Variants in PDGFD observed in about 807,000 individuals in gnomAD.
The protein encoded by PDGFD is platelet derived growth factor D, also known as platelet-derived growth factor D.
Under a neutral mutation model 44.7 loss-of-function variants are expected in PDGFD, and 30 were observed. That is an observed-to-expected ratio of 0.67 (90% CI 0.50 to 0.91). The LOEUF is 0.91. Ranked by LOEUF, PDGFD falls within the 40% of genes least tolerant of loss-of-function variation. The pLI is 0.00. For synonymous variants in PDGFD, 173 were observed against 168.4 expected, an observed-to-expected ratio of 1.03 and a Z score of -0.21; for missense variants, 445 against 457.8, an observed-to-expected ratio of 0.97 and a Z score of 0.25.
intron 1 of PDGFD, among the ~76,000 whole-genome samples, chr11:104,100,211 C>T (rs534869875): frequency 6.6e-6 from 1 of 152,094 alleles, no homozygotes; most frequent in East Asian, 1.9e-4. Flanking sequence ...AGCCTACACA[C>T]CTCTGGTCAT....
chr11:103,964,989 G>A (rs1285518760), intron 3 of PDGFD, among the ~76,000 whole-genome samples: 2 of 151,270 alleles, frequency 1.3e-5, no homozygotes, highest in Non-Finnish European at 2.9e-5. Flanking sequence ...TCACATACTA[G>A]ATGTATTTGA....
In PDGFD at chr11:103,908,252, G is replaced by A. The variant is rs547990327; in HGVS notation, c.*1442C>T. On this transcript the variant is annotated 3_prime_UTR_variant, in exon 7 of 7. Transcript: ENST00000393158. ...TAAGCCTCTTGCTTTGGAGGATGAT[G>A]AATCATTTCCTACTCCTGGAGTTAG... The A allele has an allele frequency of 6.6e-6, 1 of 152,294 alleles. No homozygotes were observed. Among genetic ancestry groups the A allele is most frequent in the African/African-American group, 2.4e-5 (1 of 41,556 alleles). The allele number at this position is 152,294 out of a possible 1,614,324, so 9.4% of individuals were successfully genotyped here. A position where few individuals can be genotyped will look rare whatever the true frequency, so the allele number is the denominator to read the frequency against.
chr11:104,064,186 G>A (rs1037603125), intron 1 of PDGFD, among the ~76,000 whole-genome samples: 1 of 152,198 alleles, frequency 6.6e-6, no homozygotes, highest in South Asian at 2.1e-4. Context: ...TTTACAATGT[G>A]TTCTTTCTCA....
At chr11:104,155,773 C>T (rs776843379) in intron 1 of PDGFD, among the ~76,000 whole-genome samples, 1 of 152,146 alleles carries the variant, frequency 6.6e-6, no homozygotes, top group Non-Finnish European at 1.5e-5. Flanking sequence ...TTTGTAAAAG[C>T]AGGTGGTTGC....
At chr11:104,081,283 AC>A (rs769404380) in intron 1 of PDGFD, among the ~76,000 whole-genome samples, 2 of 152,170 alleles carry the variant, frequency 1.3e-5, no homozygotes, top group Non-Finnish European at 2.9e-5. Flanking sequence ...TCAAGGCAAT[AC>A]CTGAAAAGAT....
Position 104,076,208 on chromosome 11 carries a change from C to T in PDGFD, c.125-75953G>A, listed in dbSNP as rs190788695. 4.6e-5 allele frequency among the ~76,000 whole-genome samples: 7 copies of T among 152,288 alleles called. 1 individual carries two copies. In the East Asian group the frequency reaches 1.4e-3, roughly 29 times the overall value. On this transcript the variant is annotated intron_variant, in intron 1 of 6. Transcript: ENST00000393158. Reference sequence around the variant, plus strand: ...CCATGATTATGTTTCCTGAAGCCTCCCCAGCCTTGCTGAACTGTTAGTTAA... The same window carrying T: ...CCATGATTATGTTTCCTGAAGCCTCTCCAGCCTTGCTGAACTGTTAGTTAA...
chr11:103,989,181 T>A (rs1859414037), intron 3 of PDGFD, among the ~76,000 whole-genome samples: 1 of 152,170 alleles, frequency 6.6e-6, no homozygotes, highest in South Asian at 2.1e-4. Context: ...GTATTTAGGT[T>A]TTAGGAATAC....
intron 1 of PDGFD, among the ~76,000 whole-genome samples, chr11:104,108,513 G>A (rs12226384): frequency 0.1 from 15,677 of 151,966 alleles, 966 homozygotes; most frequent in East Asian, 0.32. Context: ...ACCATCTCAC[G>A]CCAGTTAGAA....
At chr11:103,915,625 A>T (rs1591074143) in intron 6 of PDGFD, among the ~76,000 whole-genome samples, 1 of 152,272 alleles carries the variant, frequency 6.6e-6, no homozygotes, top group Middle Eastern at 3.4e-3. Flanking sequence ...AAAAGAGCCC[A>T]CAGAGCCAAG....
At chr11:104,080,258 T>G (rs2134428249) in intron 1 of PDGFD, among the ~76,000 whole-genome samples, 1 of 152,332 alleles carries the variant, frequency 6.6e-6, no homozygotes, top group South Asian at 2.1e-4. Context: ...AGTCTTTCAT[T>G]AATCCCAACA....
intron 1 of PDGFD, among the ~76,000 whole-genome samples, chr11:104,016,597 G>T (rs1859861295): frequency 6.6e-6 from 1 of 152,230 alleles, no homozygotes; most frequent in Non-Finnish European, 1.5e-5. Context: ...CAAGAGAGAA[G>T]TTGGAGTGGC....
At chr11:104,130,141 G>A (rs559400238) in intron 1 of PDGFD, among the ~76,000 whole-genome samples, 3 of 152,120 alleles carry the variant, frequency 2.0e-5, no homozygotes, top group Non-Finnish European at 4.4e-5. Flanking sequence ...ACAATAGGAG[G>A]CTGCAATCTG....
At chr11:103,995,949 G>A (rs1265152406) in intron 3 of PDGFD, 116 bp downstream of exon 3, 2 of 875,038 alleles carry the variant, frequency 2.3e-6, no homozygotes, top group Non-Finnish European at 3.5e-6. Flanking sequence ...AACAAACCAT[G>A]TTATAAGGAA....
At chr11:103,935,543 AG>A (rs780453019) in intron 5 of PDGFD, among the ~76,000 whole-genome samples, 13 of 152,202 alleles carry the variant, frequency 8.5e-5, no homozygotes, top group South Asian at 2.1e-4. Context: ...GTATCAGAAA[AG>A]TTTAGTACTT....
At position 104,082,137 on chromosome 11, in the gene PDGFD, C is replaced by CATTATATATATATATATAT. The variant is rs1555050974; in HGVS notation, c.124+81666_124+81667insATATATATATATATATAAT. ...TTGTTGATGTCCATATACATACATA[C>CATTATATATATATATATAT]ATATATATATATGAAAAACAAAGTC... On this transcript the variant is annotated intron_variant, in intron 1 of 6. Transcript: ENST00000393158. Among the ~76,000 whole-genome samples the CATTATATATATATATATAT allele has an allele frequency of 7.5e-4, 92 of 123,264 alleles. 4 individuals carry two copies. The highest frequency in any genetic ancestry group is 3.0e-3 in the African/African-American group (88 of 29,292). The allele number at this position is 123,264 out of a possible 152,430, so 80.9% of individuals were successfully genotyped here.
chr11:103,969,819 G>C (rs1025782173), intron 3 of PDGFD, among the ~76,000 whole-genome samples: 1 of 151,904 alleles, frequency 6.6e-6, no homozygotes, highest in Non-Finnish European at 1.5e-5. Flanking sequence ...AAAAACAGTG[G>C]TTTTTATAAT....
intron 1 of PDGFD, among the ~76,000 whole-genome samples, chr11:104,107,010 G>T (rs1861480724): frequency 6.6e-6 from 1 of 152,138 alleles, no homozygotes; most frequent in Non-Finnish European, 1.5e-5. Flanking sequence ...CTCCCAAAGT[G>T]CTGGGATTAG....
chr11:103,938,042 G>C (rs1295366021), intron 5 of PDGFD, among the ~76,000 whole-genome samples: 3 of 151,342 alleles, frequency 2.0e-5, no homozygotes, highest in Non-Finnish European at 4.4e-5. Context: ...ATAGCAGCAT[G>C]ATTTATAATC....
At chr11:103,913,351 T>G (rs193071833) in intron 6 of PDGFD, among the ~76,000 whole-genome samples, 66 of 152,266 alleles carry the variant, frequency 4.3e-4, no homozygotes, top group African/African-American at 1.5e-3. Context: ...AGAAACTCAC[T>G]CAAAATCACA....
Sources: allele counts gnomAD v4.1 joint callset (sites outside exome capture counted in the v4.1 genomes callset), GRCh38; gene constraint gnomAD v4.1.1; transcripts MANE v1.5; gene names NCBI Gene and HGNC (gene_info 2026-07-23, HGNC 2026-07-21).